The following OCA2 variants were observed in gnomAD, a reference collection of about 807,000 sequenced individuals.
OCA2 encodes OCA2 melanosomal transmembrane protein.
A neutral mutation model predicts 100.2 loss-of-function variants in OCA2; 77 were observed. The ratio of observed to expected loss-of-function variants is 0.77; its 90% CI spans 0.64 to 0.93. OCA2 has a LOEUF of 0.93. OCA2 is among the 40% of genes least tolerant of loss of function. OCA2 has a pLI of 0.00. For synonymous variants in OCA2, 432 were observed against 439.2 expected (o/e 0.98, Z 0.21); for missense variants, 1,062 against 1,089.1 (o/e 0.98, Z 0.35).
chr15:27,722,543 G>GTGATGTCCCCACTCCCTCTCT, the OCA2 span, among the ~76,000 whole-genome samples: 69 of 152,284 alleles, frequency 4.5e-4, no homozygotes, highest in Admixed American at 1.2e-3. Flanking sequence ...GATCCTAACT[G>GTGATGTCCCCACTCCCTCTCT]TGATGTCCCC....
chr15:27,785,372 A>T (rs1425016940), intron 23 of OCA2, among the ~76,000 whole-genome samples: 2 of 152,240 alleles, frequency 1.3e-5, no homozygotes, highest in Non-Finnish European at 1.5e-5. Context: ...GAAACAGCCC[A>T]AATATTCATC....
intron 23 of OCA2, among the ~76,000 whole-genome samples, chr15:27,792,888 A>C (rs539369818): frequency 3.3e-5 from 5 of 152,312 alleles, no homozygotes; most frequent in Admixed American, 3.3e-4. Flanking sequence ...GGGGAAAAGC[A>C]GCGCCCTGTG....
intron 23 of OCA2, among the ~76,000 whole-genome samples, chr15:27,759,231 G>C (rs2030634243): frequency 6.6e-6 from 1 of 152,040 alleles, no homozygotes; most frequent in South Asian, 2.1e-4. Context: ...AATAAAGGGA[G>C]ACTCAAGACA....
chr15:27,919,082 TTCTCCTCAAAGAATCA>T (rs1445713451), intron 19 of OCA2, among the ~76,000 whole-genome samples: 2 of 152,180 alleles, frequency 1.3e-5, no homozygotes, highest in Non-Finnish European at 2.9e-5. Flanking sequence ...CATCATATAG[TTCTCCTCAAAGAATCA>T]TGATTACTCT....
rs71132824 is a variant in OCA2 at position 27,831,284 on chromosome 15, C to CAAAAAAAAAAAAAAAAAAAAAAAAA, written c.2432+13674_2432+13675insTTTTTTTTTTTTTTTTTTTTTTTTT. ...CTGGTGACAGAGCGAGACTCCGTCT[C>CAAAAAAAAAAAAAAAAAAAAAAAAA]AAAAAAAAAAAAAAAAAAAAAATCG... On this transcript the variant is annotated intron_variant, in intron 23 of 23. Coordinates refer to ENST00000354638, the MANE Select transcript of OCA2 (RefSeq NM_000275.3). Among the ~76,000 whole-genome samples, 2 of 62,634 alleles carry CAAAAAAAAAAAAAAAAAAAAAAAAA rather than the reference C, an allele frequency of 3.2e-5. 1 individual carries two copies. The highest frequency in any genetic ancestry group is 5.7e-5 in the Non-Finnish European group (2 of 35,364). The allele number at this position is 62,634 out of a possible 152,430, so 41.1% of individuals were successfully genotyped here. A position where few individuals can be genotyped will look rare whatever the true frequency, so the allele number is the denominator to read the frequency against.
rs377259327 is a variant in OCA2 at position 28,014,092 on chromosome 15, G to A, written c.1044+684C>T. Among the ~76,000 whole-genome samples, 5 of 152,226 alleles carry A rather than the reference G, an allele frequency of 3.3e-5. No individual in the cohort carries two copies. The East Asian group carries it at 9.7e-4, about 29-fold the overall frequency. Reference sequence around the variant, plus strand: ...AGACCTATCCCAAGCTCACTAGGACGCGCCTCTAACGGTCACATCATGCAC... The same window carrying A: ...AGACCTATCCCAAGCTCACTAGGACACGCCTCTAACGGTCACATCATGCAC... On this transcript the variant is annotated intron_variant, in intron 9 of 23. Transcript: ENST00000354638.
downstream of OCA2, among the ~76,000 whole-genome samples, chr15:27,750,865 T>G (rs2030042275): frequency 6.6e-6 from 1 of 152,120 alleles, no homozygotes; most frequent in Admixed American, 6.5e-5. Flanking sequence ...CATAGAAACC[T>G]GGAGAGAATC....
intron 6 of OCA2, among the ~76,000 whole-genome samples, chr15:28,018,773 C>T (rs371506912): frequency 2.2e-4 from 34 of 152,312 alleles, no homozygotes; most frequent in African/African-American, 8.2e-4. Context: ...ATCGTCGTGA[C>T]CCTCTTGTGA....
chr15:28,082,209 C>A (rs533488372), intron 1 of OCA2, among the ~76,000 whole-genome samples: 1 of 152,258 alleles, frequency 6.6e-6, no homozygotes, highest in Non-Finnish European at 1.5e-5. Context: ...GCACTCTGTA[C>A]AGTGGACCAA....
intron 18 of OCA2, 55 bp from the exon 19 acceptor site, chr15:27,926,309 C>T: frequency 6.2e-7 from 1 of 1,600,100 alleles, no homozygotes; most frequent in African/African-American, 1.3e-5. Flanking sequence ...CACACCGATT[C>T]ATTTCTTTAA....
At chr15:28,034,715 T>G (rs1291974499) in intron 2 of OCA2, among the ~76,000 whole-genome samples, 2 of 151,998 alleles carry the variant, frequency 1.3e-5, no homozygotes, top group Admixed American at 1.3e-4. Context: ...AGGTCAAACC[T>G]TCAATGAGCT....
At chr15:27,940,366 A>G (rs2039605122) in intron 18 of OCA2, among the ~76,000 whole-genome samples, 1 of 152,232 alleles carries the variant, frequency 6.6e-6, no homozygotes, top group Non-Finnish European at 1.5e-5. Flanking sequence ...GTGAAGCCAC[A>G]AGACCAACCC....
At chr15:27,758,976 G>A (rs2030614078) in intron 23 of OCA2, among the ~76,000 whole-genome samples, 1 of 151,972 alleles carries the variant, frequency 6.6e-6, no homozygotes, top group African/African-American at 2.4e-5. Flanking sequence ...ATCCTAAAAA[G>A]GCTAGGCACC....
chr15:28,064,195 G>A (rs775438598), intron 2 of OCA2, among the ~76,000 whole-genome samples: 2 of 152,138 alleles, frequency 1.3e-5, no homozygotes, highest in African/African-American at 2.4e-5. Context: ...TATGTGACAA[G>A]TCACTTCTCT....
At chr15:28,034,833 T>C (rs551480628) in intron 2 of OCA2, among the ~76,000 whole-genome samples, 2 of 152,344 alleles carry the variant, frequency 1.3e-5, no homozygotes, top group South Asian at 4.1e-4. Context: ...CTAGTAATCA[T>C]AGCTTTTTTG....
chr15:27,818,519 T>A (rs570991053), intron 23 of OCA2, among the ~76,000 whole-genome samples: 1 of 152,318 alleles, frequency 6.6e-6, no homozygotes, highest in South Asian at 2.1e-4. Context: ...AGAGTTGTCA[T>A]GCCATAGAAA....
chr15:27,751,342 G>A (rs2030057557), downstream of OCA2, among the ~76,000 whole-genome samples: 1 of 152,138 alleles, frequency 6.6e-6, no homozygotes, highest in Non-Finnish European at 1.5e-5. Flanking sequence ...GACCAAGTTT[G>A]TTTCCTATTA....
intron 15 of OCA2, among the ~76,000 whole-genome samples, chr15:27,966,284 C>T (rs2040564492): frequency 6.6e-6 from 1 of 152,164 alleles, no homozygotes. Context: ...CTAGCATGTG[C>T]TCTTGATTGA....
At chr15:27,797,206 T>C (rs551853649) in intron 23 of OCA2, among the ~76,000 whole-genome samples, 2 of 152,298 alleles carry the variant, frequency 1.3e-5, no homozygotes, top group East Asian at 3.9e-4. Context: ...ATTTCAGCCT[T>C]TGCAGAAGTA....
Sources: gnomAD v4.1 joint callset for allele counts (sites outside exome capture counted in the v4.1 genomes callset) on GRCh38, gnomAD v4.1.1 for gene constraint, MANE v1.5 for transcripts, NCBI Gene and HGNC (gene_info 2026-07-23, HGNC 2026-07-21) for gene names.